The following IPO8 variants were observed in gnomAD, a reference collection of about 807,000 sequenced individuals.
IPO8 encodes the protein importin-8.
Under a neutral mutation model 141.2 loss-of-function variants are expected in IPO8, and 65 were observed. The observed-to-expected ratio is 0.46, with a 90% CI of 0.38 to 0.57. The LOEUF (loss-of-function observed/expected upper bound fraction) is 0.57. Ranked by LOEUF, IPO8 falls within the 20% of genes least tolerant of loss-of-function variation. The pLI, the probability that IPO8 is intolerant of heterozygous loss-of-function variation, is 0.00. For synonymous variants in IPO8, 411 were observed against 420.3 expected, an observed-to-expected ratio of 0.98 and a Z score of 0.27; for missense variants, 980 against 1,246.8, an observed-to-expected ratio of 0.79 and a Z score of 3.22.
chr12:30,634,004 G>T (rs1402044632), intron 23 of IPO8, 79 bp downstream of exon 23: 15 of 1,334,750 alleles, frequency 1.1e-5, no homozygotes, highest in Admixed American at 4.3e-5. Context: ...CCAATCTTGG[G>T]CAAATATCAA....
At chr12:30,647,243 C>T (rs561132799) in intron 20 of IPO8, among the ~76,000 whole-genome samples, 1 of 152,236 alleles carries the variant, frequency 6.6e-6, no homozygotes, top group Non-Finnish European at 1.5e-5. Context: ...CAAACAACTT[C>T]ATAACTACAT....
intron 5 of IPO8, among the ~76,000 whole-genome samples, chr12:30,678,334 T>C (rs1338361806): frequency 6.6e-6 from 1 of 152,138 alleles, no homozygotes; most frequent in Admixed American, 6.5e-5. Flanking sequence ...GTTCCATTCA[T>C]GGTAAGTACC....
At chr12:30,680,686 G>C in intron 4 of IPO8, 48 bp from the exon 5 acceptor site, 1 of 1,425,406 alleles carries the variant, frequency 7.0e-7, no homozygotes, top group Non-Finnish European at 9.6e-7. Flanking sequence ...CCCACCCAAA[G>C]AACCATCAAC....
chr12:30,690,298 A>G (rs1180951923), intron 2 of IPO8, among the ~76,000 whole-genome samples, 198 bp downstream of exon 2: 1 of 152,246 alleles, frequency 6.6e-6, no homozygotes, highest in East Asian at 1.9e-4. Flanking sequence ...AAAAAGAGCT[A>G]GAAGATATTT....
At chr12:30,693,482 C>T (rs989118686) in intron 1 of IPO8, among the ~76,000 whole-genome samples, 1 of 152,214 alleles carries the variant, frequency 6.6e-6, no homozygotes, top group East Asian at 1.9e-4. Context: ...GCAGAAGCTG[C>T]TCCCATTCCC....
At chr12:30,649,415 T>C (rs574582256) in intron 19 of IPO8, among the ~76,000 whole-genome samples, 183 bp from the exon 20 acceptor site, 2 of 152,284 alleles carry the variant, frequency 1.3e-5, no homozygotes, top group Non-Finnish European at 2.9e-5. Context: ...TCTCATTTCT[T>C]ATAAGGAGCA....
chr12:30,670,357 T>C (rs2053031107), intron 9 of IPO8, among the ~76,000 whole-genome samples: 2 of 152,204 alleles, frequency 1.3e-5, no homozygotes, highest in South Asian at 4.1e-4. Flanking sequence ...CCTAAGACTG[T>C]CAAATTATCC....
chr12:30,674,595 G>C (rs1377003777), intron 7 of IPO8, 64 bp downstream of exon 7: 5 of 1,201,546 alleles, frequency 4.2e-6, no homozygotes, highest in Non-Finnish European at 6.2e-6. Context: ...TCTAAAGACA[G>C]ATAATCATAT....
chr12:30,634,582 G>C (rs1199502810), intron 22 of IPO8, among the ~76,000 whole-genome samples: 2 of 152,006 alleles, frequency 1.3e-5, no homozygotes, highest in African/African-American at 4.8e-5. Context: ...CATTACTACT[G>C]TTAGGCTATG....
chr12:30,640,559 G>T (rs1334902941), intron 20 of IPO8, among the ~76,000 whole-genome samples: 1 of 152,090 alleles, frequency 6.6e-6, no homozygotes, highest in Non-Finnish European at 1.5e-5. Context: ...ACAAAGATGA[G>T]ATAACTAGTT....
chr12:30,634,870 GC>G (rs2052480142), intron 22 of IPO8, among the ~76,000 whole-genome samples: 1 of 152,082 alleles, frequency 6.6e-6, no homozygotes, highest in South Asian at 2.1e-4. Context: ...GATGTCAGCA[GC>G]CCTGTGTTCA....
At chr12:30,685,090 C>T (rs545253977) in intron 2 of IPO8, among the ~76,000 whole-genome samples, 1 of 151,896 alleles carries the variant, frequency 6.6e-6, no homozygotes, top group East Asian at 1.9e-4. Context: ...CTGAAAGAAA[C>T]AGGCTGACAT....
intron 20 of IPO8, among the ~76,000 whole-genome samples, chr12:30,647,859 C>T (rs1179696584): frequency 6.6e-6 from 1 of 152,036 alleles, no homozygotes. Context: ...AAAAGATATA[C>T]AAAAGGCTAA....
At chr12:30,659,480 C>A (rs1342620684) in intron 16 of IPO8, among the ~76,000 whole-genome samples, 1 of 139,058 alleles carries the variant, frequency 7.2e-6, no homozygotes, top group Non-Finnish European at 1.5e-5. Flanking sequence ...TGTCTCTGAG[C>A]AAGACTTGTC....
At position 30,669,290 on chromosome 12, in the gene IPO8, G is replaced by GAT; in HGVS notation, c.1045-9_1045-8insAT. 7.7e-7 allele frequency: 1 copy of GAT among 1,297,514 alleles called. No individual in the cohort carries two copies. Among genetic ancestry groups the GAT allele is most frequent in the Non-Finnish European group, 1.1e-6 (1 of 938,552 alleles). 80.4% of individuals were successfully genotyped at this position (1,297,514 alleles called of 1,614,324 possible). On this transcript the variant is annotated splice_polypyrimidine_tract_variant and intron_variant, in intron 9 of 24. Coordinates refer to ENST00000256079, the MANE Select transcript of IPO8 (RefSeq NM_006390.4). Reference sequence around the variant, plus strand: ...CACATCTTCAGAGATATTCTAAAATGAGAAAAAAAAAAAAACGTAACAAAT... The same window carrying GAT: ...CACATCTTCAGAGATATTCTAAAATGATAGAAAAAAAAAAAAACGTAACAAAT...
chr12:30,642,771 A>G (rs990430728), intron 20 of IPO8, among the ~76,000 whole-genome samples: 23 of 152,082 alleles, frequency 1.5e-4, no homozygotes, highest in Non-Finnish European at 1.9e-4. Flanking sequence ...CGAGACATCT[A>G]TAAGATAAGC....
chr12:30,679,920 C>T (rs1164027826), intron 5 of IPO8, among the ~76,000 whole-genome samples: 1 of 152,088 alleles, frequency 6.6e-6, no homozygotes, highest in Non-Finnish European at 1.5e-5. Flanking sequence ...ATATTTCAAA[C>T]ATATTCCATC....
chr12:30,681,915 T>G (rs1218109795), intron 3 of IPO8, 98 bp from the exon 4 acceptor site: 4 of 991,674 alleles, frequency 4.0e-6, no homozygotes, highest in Non-Finnish European at 5.8e-6. Flanking sequence ...TATCTTCTAT[T>G]TACGTGTATT....
chr12:30,661,368 T>C (rs1310396958), intron 15 of IPO8, 102 bp from the exon 16 acceptor site: 2 of 1,052,114 alleles, frequency 1.9e-6, no homozygotes, highest in East Asian at 2.9e-5. Context: ...GAAGTCTGCA[T>C]TGCTCAAACT....
Sources: gnomAD v4.1 joint callset for allele counts (sites outside exome capture counted in the v4.1 genomes callset) on GRCh38, gnomAD v4.1.1 for gene constraint, MANE v1.5 for transcripts, NCBI Gene and HGNC (gene_info 2026-07-23, HGNC 2026-07-21) for gene names.